TENM4: variants seen among roughly 807,000 people sequenced by gnomAD.
TENM4 encodes the protein teneurin-4.
In TENM4, 82 loss-of-function variants were observed where a neutral mutation model predicts 243.3. The observed-to-expected ratio is 0.34, with a 90% CI of 0.28 to 0.40. The LOEUF (loss-of-function observed/expected upper bound fraction) is 0.40. Among genes scored for constraint, TENM4 ranks in the 10% least tolerant of loss-of-function variants. TENM4 has a pLI of 1.00. For synonymous variants in TENM4, 1,412 were observed against 1,456.3 expected, an observed-to-expected ratio of 0.97 and a Z score of 0.69; for missense variants, 3,138 against 3,673.3, an observed-to-expected ratio of 0.85 and a Z score of 3.77.
At chr11:79,328,588 G>T (rs1857011070) in intron 1 of TENM4, among the ~76,000 whole-genome samples, 1 of 152,072 alleles carries the variant, frequency 6.6e-6, no homozygotes, top group Admixed American at 6.5e-5. Context: ...AAGAGGCGGT[G>T]GCGGTGGTGG....
chr11:78,960,885 G>C (rs1857305899), intron 6 of TENM4, among the ~76,000 whole-genome samples: 1 of 152,194 alleles, frequency 6.6e-6, no homozygotes, highest in African/African-American at 2.4e-5. Context: ...ATCCCCTAGA[G>C]GCAGGTGGAG....
intron 7 of TENM4, among the ~76,000 whole-genome samples, chr11:78,895,197 A>G (rs1223576450): frequency 1.3e-5 from 2 of 151,722 alleles, no homozygotes; most frequent in Non-Finnish European, 2.9e-5. Context: ...TTAGCTAGGC[A>G]CGGTGGCGGG....
chr11:79,274,564 G>C (rs1856021515), intron 2 of TENM4, among the ~76,000 whole-genome samples: 1 of 152,176 alleles, frequency 6.6e-6, no homozygotes, highest in Non-Finnish European at 1.5e-5. Flanking sequence ...GACCTAGTAT[G>C]GTGAAGTGGA....
intron 12 of TENM4, among the ~76,000 whole-genome samples, chr11:78,821,076 G>A (rs1483422228): frequency 6.6e-6 from 1 of 152,184 alleles, no homozygotes; most frequent in East Asian, 1.9e-4. Flanking sequence ...CTGACAGACT[G>A]GGCTTGAAGC....
rs758118710 is a variant in TENM4, at chr11:78,702,358, T to A, written c.4255A>T (p.Asn1419Tyr). 11 of 1,613,854 alleles carry A rather than the reference T, an allele frequency of 6.8e-6. No individual in the cohort carries two copies. The Admixed American group carries it at 1.0e-4, about 15-fold the overall frequency. Residue 1419 changes from asparagine (N) to tyrosine (Y), a missense_variant, in exon 28 of 34, where the codon AAC (asparagine) becomes TAC (tyrosine). Around this residue, in one of 2 missense-constraint regions of TENM4, gnomAD observed 2,467 missense variants for 3,059.1 expected, o/e 0.81. Coordinates refer to ENST00000278550, the MANE Select transcript of TENM4 (RefSeq NM_001098816.3). ...TTGTTGTCGAGGACATAAAGTGAGT[T>A]GTCCATTGGGTTGATGGCTAAGTCT... ...PTDLAINPMD[N>Y]SLYVLDNNVV... is the part of the protein sequence containing the mutation.
chr11:79,312,256 C>T (rs1334385894), intron 1 of TENM4, among the ~76,000 whole-genome samples: 2 of 152,102 alleles, frequency 1.3e-5, no homozygotes, highest in Admixed American at 1.3e-4. Flanking sequence ...AAGGAGGGAA[C>T]GGACTATGTC....
chr11:79,042,884 G>A (rs1307554834), intron 6 of TENM4, among the ~76,000 whole-genome samples: 1 of 152,118 alleles, frequency 6.6e-6, no homozygotes, highest in Non-Finnish European at 1.5e-5. Flanking sequence ...AAAATATATA[G>A]GATCATATCC....
chr11:78,831,425 C>T (rs192558657), intron 12 of TENM4, among the ~76,000 whole-genome samples: 12 of 152,344 alleles, frequency 7.9e-5, no homozygotes, highest in Non-Finnish European at 1.3e-4. Flanking sequence ...CTGCCCTCTA[C>T]TCTCACAGTC....
chr11:78,854,224 C>T lies in TENM4; in HGVS notation c.1561G>A (p.Val521Met), dbSNP rs757154988. ...EGTPRQSRGT[V>M]PPSSHETGFI... ...CCTGTCTCATGGCTGGAGGGGGGCA[C>T]AGTTCCCCGAGACTGGCGCGGGGTC... The change falls in exon 12 of 34, where the codon GTG becomes ATG. Residue 521 changes from valine to methionine, a missense_variant. By Grantham distance (21) the Val-to-Met change is conservative (BLOSUM62 1). Transcript: ENST00000278550. 3 of 1,551,500 alleles carry T rather than the reference C, an allele frequency of 1.9e-6. No individual in the cohort carries two copies. The highest frequency in any genetic ancestry group is 2.6e-6 in the Non-Finnish European group (3 of 1,146,918).
chr11:78,999,403 C>T (rs528458526), intron 6 of TENM4, among the ~76,000 whole-genome samples: 1 of 152,004 alleles, frequency 6.6e-6, no homozygotes, highest in Non-Finnish European at 1.5e-5. Context: ...GTAGTCCCAG[C>T]TACTCGGGAG....
chr11:78,747,642 A>G (rs929591068), intron 19 of TENM4, among the ~76,000 whole-genome samples: 1 of 152,188 alleles, frequency 6.6e-6, no homozygotes, highest in Non-Finnish European at 1.5e-5. Flanking sequence ...CTCCCTGTCA[A>G]GCCCCTCACT....
chr11:78,924,146 T>C (rs914940051), intron 6 of TENM4, among the ~76,000 whole-genome samples: 8 of 152,182 alleles, frequency 5.3e-5, no homozygotes, highest in African/African-American at 1.7e-4. Context: ...TGAGCCACCA[T>C]ACCCAGCCTG....
At chr11:78,996,386 G>C (rs1858172850) in intron 6 of TENM4, among the ~76,000 whole-genome samples, 1 of 152,152 alleles carries the variant, frequency 6.6e-6, no homozygotes, top group Non-Finnish European at 1.5e-5. Flanking sequence ...TGAAGGCACA[G>C]AACACATGAG....
chr11:78,851,579 C>T (rs1172032672), intron 12 of TENM4, among the ~76,000 whole-genome samples: 1 of 152,142 alleles, frequency 6.6e-6, no homozygotes, highest in Non-Finnish European at 1.5e-5. Context: ...TAGTTTTGAA[C>T]AAGCACTACT....
At chr11:78,983,714 C>A (rs954848941) in intron 6 of TENM4, among the ~76,000 whole-genome samples, 1 of 144,342 alleles carries the variant, frequency 6.9e-6, no homozygotes, top group African/African-American at 2.5e-5. Context: ...TCAGAAGACA[C>A]GGCAGGGCCT....
intron 1 of TENM4, among the ~76,000 whole-genome samples, chr11:79,337,972 G>A (rs1169587070): frequency 6.6e-6 from 1 of 152,202 alleles, no homozygotes; most frequent in Non-Finnish European, 1.5e-5. Context: ...TTGAGACTGT[G>A]AGAAGTTGTA....
intron 6 of TENM4, among the ~76,000 whole-genome samples, chr11:78,986,389 C>T (rs183552718): frequency 3.9e-5 from 6 of 152,278 alleles, no homozygotes; most frequent in South Asian, 2.1e-4. Flanking sequence ...CAATCCTCCC[C>T]GCTTTCAGAT....
intron 1 of TENM4, among the ~76,000 whole-genome samples, chr11:79,384,949 A>T (rs1858081551): frequency 6.7e-6 from 1 of 149,536 alleles, no homozygotes. Context: ...AAAATAAAAT[A>T]AAATAAAATA....
chr11:79,060,996 GAGAA>G (rs1461142597), intron 6 of TENM4, among the ~76,000 whole-genome samples: 1 of 152,144 alleles, frequency 6.6e-6, no homozygotes, highest in Non-Finnish European at 1.5e-5. Flanking sequence ...GTGGGAACTA[GAGAA>G]AGATGGGAGA....
Sources: allele counts gnomAD v4.1 joint callset (sites outside exome capture counted in the v4.1 genomes callset), GRCh38; gene constraint gnomAD v4.1.1; regional missense constraint gnomAD v4.1.1; transcripts MANE v1.5; gene names NCBI Gene and HGNC (gene_info 2026-07-23, HGNC 2026-07-21).